Variants in HIP1 observed in about 807,000 individuals in gnomAD.
HIP1 encodes huntingtin interacting protein 1.
In HIP1, 65 loss-of-function variants were observed where a neutral mutation model predicts 147.6. That is an observed-to-expected ratio of 0.44 (90% CI 0.36 to 0.54). The LOEUF is 0.54. Among genes scored for constraint, HIP1 ranks in the 20% least tolerant of loss-of-function variants. The pLI is 0.00. For missense variants in HIP1, 1,061 were observed against 1,299.6 expected (o/e 0.82, Z 2.82); for synonymous variants, 479 against 504.0 (o/e 0.95, Z 0.67).
chr7:75,546,582 C>T lies in HIP1; in HGVS notation c.2559+357G>A, dbSNP rs587770163. ...CTCTGCTGTTAGAAACAGATTAGGC[C>T]GAACTCCCTGTGAAAAGCCAGTCTC... On this transcript the variant is annotated intron_variant, in intron 25 of 30. Transcript: ENST00000336926. Among the ~76,000 whole-genome samples the T allele has an allele frequency of 4.6e-5, 7 of 152,272 alleles. No individual in the cohort carries two copies. The East Asian group carries it at 5.8e-4, about 13-fold the overall frequency.
intron 1 of HIP1, among the ~76,000 whole-genome samples, chr7:75,651,604 C>A (rs6960110): frequency 0.29 from 43,340 of 151,112 alleles, 6,745 homozygotes; most frequent in African/African-American, 0.39. Context: ...GCCTTCCTAT[C>A]TGTGTAGCCT....
intron 1 of HIP1, among the ~76,000 whole-genome samples, chr7:75,647,340 G>T (rs541794239): frequency 7.3e-5 from 11 of 151,336 alleles, no homozygotes; most frequent in Non-Finnish European, 1.6e-4. Flanking sequence ...AAAAGTTGCA[G>T]TGAGCAGAGA....
At chr7:75,702,385 G>A (rs1554519240) in intron 1 of HIP1, among the ~76,000 whole-genome samples, 3 of 152,072 alleles carry the variant, frequency 2.0e-5, no homozygotes, top group Non-Finnish European at 2.9e-5. Flanking sequence ...TGGGATTACA[G>A]GCGTGAGCCA....
At chr7:75,589,239 A>G (rs1377873212) in intron 4 of HIP1, among the ~76,000 whole-genome samples, 2 of 152,126 alleles carry the variant, frequency 1.3e-5, no homozygotes, top group Non-Finnish European at 2.9e-5. Context: ...GCTTAATAAC[A>G]CATTAGACCC....
At chr7:75,623,059 G>C (rs1010983676) in intron 1 of HIP1, among the ~76,000 whole-genome samples, 7 of 151,088 alleles carry the variant, frequency 4.6e-5, no homozygotes, top group Admixed American at 6.6e-5. Context: ...TTAGCCAGGC[G>C]TGGTGGTGCG....
At chr7:75,634,183 C>T (rs1279487580) in intron 1 of HIP1, among the ~76,000 whole-genome samples, 4 of 152,024 alleles carry the variant, frequency 2.6e-5, no homozygotes, top group African/African-American at 9.7e-5. Flanking sequence ...TTGCTTGAGC[C>T]TAGGAGTTCG....
Position 75,568,012 on chromosome 7 carries a change from C to T in HIP1, c.803+187G>A, listed in dbSNP as rs1284930144. ...TTTTTTTTCTGTAGAGATGGGGTCT[C>T]GCTATGTTGCCCAGCCTGGTGTCAA... On this transcript the variant is annotated intron_variant, in intron 9 of 30. Coordinates refer to ENST00000336926, the MANE Select transcript of HIP1 (RefSeq NM_005338.7). The surrounding 1 kb of genome is among the most constrained non-coding windows in gnomAD (Gnocchi z 4.1). 6.6e-6 allele frequency among the ~76,000 whole-genome samples: 1 copy of T among 152,058 alleles called. No homozygotes were observed. Among genetic ancestry groups the T allele is most frequent in the Non-Finnish European group, 1.5e-5 (1 of 68,030 alleles).
chr7:75,537,689 C>T lies in HIP1; in HGVS notation c.*483G>A. 4.1e-6 allele frequency: 1 copy of T among 246,276 alleles called. No individual in the cohort carries two copies. Among genetic ancestry groups the T allele is most frequent in the Non-Finnish European group, 7.9e-6 (1 of 125,940 alleles). The allele number at this position is 246,276 out of a possible 1,614,324, so 15.3% of individuals were successfully genotyped here. A position where few individuals can be genotyped will look rare whatever the true frequency, so the allele number is the denominator to read the frequency against. On this transcript the variant is annotated 3_prime_UTR_variant, in exon 31 of 31. Transcript: ENST00000336926. ...AGTGTCCTGGTTTGGAATCCATCAG[C>T]CCTCTGATGCTCACAAGTTTGTGCA...
At chr7:75,607,059 A>C (rs940305783) in intron 1 of HIP1, among the ~76,000 whole-genome samples, 8 of 151,740 alleles carry the variant, frequency 5.3e-5, no homozygotes, top group African/African-American at 1.9e-4. Context: ...GCGAGACCCC[A>C]TCTCTAAAAA....
intron 8 of HIP1, among the ~76,000 whole-genome samples, chr7:75,572,543 C>T (rs1460551500): frequency 6.6e-5 from 10 of 152,152 alleles, no homozygotes; most frequent in African/African-American, 2.4e-4. Context: ...ACAGAGAGGA[C>T]CATCCTGGTG....
intron 1 of HIP1, chr7:75,654,658 TTC>T (rs1799095121): frequency 6.6e-6 from 1 of 152,240 alleles, no homozygotes; most frequent in Admixed American, 6.6e-5. Context: ...GCTCCGTGAC[TTC>T]TCTTTCCTCC....
chr7:75,615,895 G>A (rs1414129080), intron 1 of HIP1, among the ~76,000 whole-genome samples: 1 of 151,994 alleles, frequency 6.6e-6, no homozygotes, highest in Non-Finnish European at 1.5e-5. Context: ...AGACCAGCAT[G>A]GTCAATATGA....
At position 75,554,436 on chromosome 7, in the gene HIP1, T is replaced by C. The variant is rs782101632; in HGVS notation, c.2050+4A>G. ...CGACAGAGACTGTCCTTGGCCATTC[T>C]TACCTTCTGGGCAGGCCAGATACTG... On this transcript the variant is annotated splice_donor_region_variant and intron_variant, in intron 20 of 30. Coordinates refer to ENST00000336926, the MANE Select transcript of HIP1 (RefSeq NM_005338.7). The C allele has an allele frequency of 1.2e-5, 19 of 1,611,954 alleles. No individual in the cohort carries two copies. The highest frequency in any genetic ancestry group is 1.6e-5 in the Non-Finnish European group (19 of 1,178,062).
intron 1 of HIP1, chr7:75,611,773 G>A (rs1797446691): frequency 9.6e-7 from 1 of 1,038,240 alleles, no homozygotes; most frequent in Non-Finnish European, 1.2e-6. Context: ...CCCCTGAAAG[G>A]GTGGCATTGT....
In HIP1 at chr7:75,602,303, CTTTTTTTTTTTTTT is replaced by C. The variant is rs67019261; in HGVS notation, c.121-3070_121-3057del. Among the ~76,000 whole-genome samples, 63 of 77,276 alleles carry C rather than the reference CTTTTTTTTTTTTTT, an allele frequency of 8.2e-4. 2 individuals carry two copies. In the Middle Eastern group the frequency reaches 0.042, roughly 51 times the overall value. The allele number at this position is 77,276 out of a possible 152,430, so 50.7% of individuals were successfully genotyped here. A position where few individuals can be genotyped will look rare whatever the true frequency, so the allele number is the denominator to read the frequency against. On this transcript the variant is annotated intron_variant, in intron 1 of 30. Transcript: ENST00000336926. ...GGCGTGAGCCACAGCACCTGGCCAG[CTTTTTTTTTTTTTT>C]TTTTTTTTTTTTTTTCAAAAGAGAT...
intron 1 of HIP1, among the ~76,000 whole-genome samples, chr7:75,624,000 G>A (rs1554507617): frequency 6.6e-6 from 1 of 152,102 alleles, no homozygotes; most frequent in African/African-American, 2.4e-5. Context: ...AGGATCACTC[G>A]AGCTCTGAAG....
In HIP1 at chr7:75,573,717, C is replaced by T. The variant is rs1554497098; in HGVS notation, c.745+44G>A. 3 of 1,590,050 alleles carry T rather than the reference C, an allele frequency of 1.9e-6. No homozygotes were observed. The South Asian group carries it at 3.4e-5, about 18-fold the overall frequency. On this transcript the variant is annotated intron_variant, in intron 8 of 30. Coordinates refer to ENST00000336926, the MANE Select transcript of HIP1 (RefSeq NM_005338.7). ...ACATCCTCAGGCTGGGATCCTCCCT[C>T]TGGCCTGAATCTCATGTAAGAAGAT... is the stretch of plus-strand genomic sequence containing the variant.
At chr7:75,595,187 CCTTTCTTTCTTTCTTTCTTT>C (rs587760351) in intron 2 of HIP1, among the ~76,000 whole-genome samples, 44 of 108,464 alleles carry the variant, frequency 4.1e-4, no homozygotes, top group Admixed American at 6.0e-4. Context: ...GTGTAGGAGT[CCTTTCTTTCTTTCTTTCTTT>C]CTTTCTTTCT....
rs201833622 is a variant in HIP1 at position 75,693,164 on chromosome 7, C to CAA, written c.120+45635_120+45636dup. On this transcript the variant is annotated intron_variant, in intron 1 of 30. Transcript: ENST00000336926. The stretch of plus-strand genomic sequence containing the variant: ...TGGGTAACAGAGCGAAACCCTGTCT[C>CAA]AAAAAAAAAAAAAAAATTATGATGC... Among the ~76,000 whole-genome samples, 272 of 119,078 alleles carry CAA rather than the reference C, an allele frequency of 2.3e-3. 1 individual carries two copies. Among genetic ancestry groups the CAA allele is most frequent in the African/African-American group, 7.9e-3 (260 of 32,934 alleles). 78.1% of individuals were successfully genotyped at this position (119,078 alleles called of 152,430 possible). A position where few individuals can be genotyped will look rare whatever the true frequency, so the allele number is the denominator to read the frequency against.
Sources: allele counts gnomAD v4.1 joint callset (sites outside exome capture counted in the v4.1 genomes callset), GRCh38; gene constraint gnomAD v4.1.1; non-coding constraint Gnocchi (gnomAD v3.1); transcripts MANE v1.5; gene names NCBI Gene and HGNC (gene_info 2026-07-23, HGNC 2026-07-21).